Variants in DEDD2 observed in about 807,000 individuals in gnomAD.
DEDD2 encodes the protein death effector domain containing 2.
DEDD2 carries 18 observed loss-of-function variants against 28.9 expected under a neutral mutation model. The ratio of observed to expected loss-of-function variants is 0.62; its 90% CI spans 0.43 to 0.92. The LOEUF (loss-of-function observed/expected upper bound fraction) is 0.92. DEDD2 is among the 40% of genes least tolerant of loss of function. The pLI is 0.00. For missense variants in DEDD2, 411 were observed against 463.3 expected (o/e 0.89, Z 1.04); for synonymous variants, 211 against 206.1 (o/e 1.02, Z -0.20).
At chr19:42,213,771 G>C (rs1312046491) in intron 3 of DEDD2, among the ~76,000 whole-genome samples, 1 of 151,922 alleles carries the variant, frequency 6.6e-6, no homozygotes, top group Non-Finnish European at 1.5e-5. Flanking sequence ...AAAAGAAAAA[G>C]GTATGGGGTG....
chr19:42,207,101 G>A (rs2146873573), intron 4 of DEDD2, among the ~76,000 whole-genome samples: 1 of 152,248 alleles, frequency 6.6e-6, no homozygotes, highest in Admixed American at 6.5e-5. Flanking sequence ...TGGTGGCTCT[G>A]GGAATTACTG....
Position 42,199,928 on chromosome 19 carries a change from CT to C in DEDD2, c.590-100del. 1 of 1,460,256 alleles carries C rather than the reference CT, an allele frequency of 6.8e-7. No homozygotes were observed. The highest frequency in any genetic ancestry group is 2.5e-5 in the Admixed American group (1 of 39,786). 90.5% of individuals were successfully genotyped at this position (1,460,256 alleles called of 1,614,324 possible). ...CCCTCCAGCCTTCTCCCTCCACCCC[CT>C]TCCGGTAGCCACACCCTAGTCCTGA... On this transcript the variant is annotated intron_variant, in intron 4 of 4. Coordinates refer to ENST00000596251, the MANE Select transcript of DEDD2 (RefSeq NM_133328.4). This position sits in a 1 kb window ranked among gnomAD's most constrained non-coding sequence, Gnocchi z 7.4.
intron 4 of DEDD2, among the ~76,000 whole-genome samples, chr19:42,202,814 A>G (rs2035383463): frequency 6.6e-6 from 1 of 152,170 alleles, no homozygotes. Context: ...GAGCTGGAAA[A>G]CATGATCATG....
At chr19:42,202,711 T>G (rs2035380934) in intron 4 of DEDD2, among the ~76,000 whole-genome samples, 1 of 152,168 alleles carries the variant, frequency 6.6e-6, no homozygotes, top group Non-Finnish European at 1.5e-5. Context: ...CTCAAGGGCT[T>G]TCCTCTCTCA....
At chr19:42,220,086 G>A (rs1339693313), upstream of DEDD2, 1 of 152,254 alleles carries the variant, frequency 6.6e-6, no homozygotes, top group Non-Finnish European at 1.5e-5. Context: ...AAGGTTGCCC[G>A]AGTTTCTCTA....
Position 42,199,201 on chromosome 19 carries a change from A to C in DEDD2, c.*237T>G. The C allele has an allele frequency of 3.4e-6, 2 of 589,450 alleles. No homozygotes were observed. The highest frequency in any genetic ancestry group is 5.7e-6 in the Non-Finnish European group (2 of 349,300). 36.5% of individuals were successfully genotyped at this position (589,450 alleles called of 1,614,324 possible). ...ATACAGGCCCAGCCCCCGCCTCCGG[A>C]GGCTAAGGGGGCACACCTGGGGGTA... On this transcript the variant is annotated 3_prime_UTR_variant, in exon 5 of 5. Transcript: ENST00000596251. This position sits in a 1 kb window ranked among gnomAD's most constrained non-coding sequence, Gnocchi z 7.4.
chr19:42,215,484 T>C (rs1457862492), intron 2 of DEDD2, among the ~76,000 whole-genome samples: 1 of 152,182 alleles, frequency 6.6e-6, no homozygotes, highest in African/African-American at 2.4e-5. Flanking sequence ...CTGTCAAGGT[T>C]ATTCTGTTGA....
chr19:42,199,912 CT>C lies in DEDD2; in HGVS notation c.590-84del. The C allele has an allele frequency of 6.8e-7, 1 of 1,479,346 alleles. No homozygotes were observed. The highest frequency in any genetic ancestry group is 9.0e-7 in the Non-Finnish European group (1 of 1,109,468). 91.6% of individuals were successfully genotyped at this position (1,479,346 alleles called of 1,614,324 possible). A position where few individuals can be genotyped will look rare whatever the true frequency, so the allele number is the denominator to read the frequency against. ...GAACGCCACCCTTCCTCCCTCCAGCCTTCTCCCTCCACCCCCTTCCGGTAGC... is the reference window on the plus strand; with the variant it reads ...GAACGCCACCCTTCCTCCCTCCAGCCTCTCCCTCCACCCCCTTCCGGTAGC... On this transcript the variant is annotated intron_variant, in intron 4 of 4. Coordinates refer to ENST00000596251, the MANE Select transcript of DEDD2 (RefSeq NM_133328.4). This position sits in a 1 kb window ranked among gnomAD's most constrained non-coding sequence, Gnocchi z 7.4.
chr19:42,216,605 A>G, intron 2 of DEDD2, 75 bp downstream of exon 2: 2 of 1,415,560 alleles, frequency 1.4e-6, no homozygotes, highest in South Asian at 1.4e-5. Context: ...TGTCCGTATC[A>G]GGGCACCAGG....
intron 3 of DEDD2, among the ~76,000 whole-genome samples, chr19:42,213,217 C>A (rs2035835417): frequency 6.6e-6 from 1 of 152,070 alleles, no homozygotes; most frequent in South Asian, 2.1e-4. Context: ...GTGTATGGGT[C>A]TATAGTGACA....
chr19:42,207,470 A>C (rs1030724699), intron 4 of DEDD2, among the ~76,000 whole-genome samples: 24 of 151,146 alleles, frequency 1.6e-4, no homozygotes, highest in African/African-American at 5.6e-4. Flanking sequence ...CCTCCCCTGA[A>C]CCCTTCCACT....
rs897908018 is a variant in DEDD2, at chr19:42,217,075, T to G, written c.-38-30A>C. The G allele has an allele frequency of 3.4e-6, 5 of 1,480,976 alleles. No homozygotes were observed. The South Asian group carries it at 3.6e-5, about 11-fold the overall frequency. 91.7% of individuals were successfully genotyped at this position (1,480,976 alleles called of 1,614,324 possible). A position where few individuals can be genotyped will look rare whatever the true frequency, so the allele number is the denominator to read the frequency against. ...AACCCACACAGCGGGGAGGGGGCAG[T>G]GGTCAGCGACGCGGAGGCCCGAACC... On this transcript the variant is annotated intron_variant, in intron 1 of 4. Coordinates refer to ENST00000596251, the MANE Select transcript of DEDD2 (RefSeq NM_133328.4).
intron 4 of DEDD2, among the ~76,000 whole-genome samples, chr19:42,204,777 G>A (rs2035464924): frequency 7.2e-6 from 1 of 138,572 alleles, no homozygotes; most frequent in African/African-American, 2.7e-5. Flanking sequence ...CCCACACCAG[G>A]ACCAGCACCA....
upstream of DEDD2, among the ~76,000 whole-genome samples, chr19:42,218,980 G>T (rs764419498): frequency 6.6e-6 from 1 of 152,208 alleles, no homozygotes. Flanking sequence ...CTGCACTCCA[G>T]CCTGGGCCAC....
At chr19:42,217,290 G>C (rs1316103716) in intron 1 of DEDD2, among the ~76,000 whole-genome samples, 2 of 152,118 alleles carry the variant, frequency 1.3e-5, no homozygotes, top group Admixed American at 6.5e-5. Context: ...GCTCGCCTCC[G>C]GACCTGACCA....
Position 42,216,990 on chromosome 19 carries a change from C to T in DEDD2, c.18G>A (p.Ser6=). 6.9e-6 allele frequency: 11 copies of T among 1,592,654 alleles called. No homozygotes were observed. Among genetic ancestry groups the T allele is most frequent in the Non-Finnish European group, 9.4e-6 (11 of 1,170,250 alleles). MALSG[S]TPAPCWEEDE... ...CCTCCTCCCAGCACGGGGCCGGGGTCGACCCGGATAGCGCCATTCCCGGGG... is the reference window on the plus strand; with the variant it reads ...CCTCCTCCCAGCACGGGGCCGGGGTTGACCCGGATAGCGCCATTCCCGGGG... Residue 6 remains serine (S), a synonymous_variant, in exon 2 of 5, where the codon TCG becomes TCA. Transcript: ENST00000596251.
chr19:42,212,293 G>C (rs2035801370), intron 3 of DEDD2, among the ~76,000 whole-genome samples: 1 of 151,944 alleles, frequency 6.6e-6, no homozygotes, highest in Admixed American at 6.6e-5. Flanking sequence ...TTAAACCTGG[G>C]AGGCAGAGGT....
intron 4 of DEDD2, among the ~76,000 whole-genome samples, chr19:42,201,441 G>A (rs959904760): frequency 6.6e-6 from 1 of 152,228 alleles, no homozygotes; most frequent in Non-Finnish European, 1.5e-5. Context: ...TGTCCAAGGG[G>A]TGCTCCCAGA....
intron 4 of DEDD2, among the ~76,000 whole-genome samples, chr19:42,205,094 C>A (rs1258815488): frequency 1.3e-5 from 2 of 152,106 alleles, no homozygotes. Flanking sequence ...TCAGGAAATA[C>A]AAAAGACAGG....
Sources: gnomAD v4.1 joint callset for allele counts (sites outside exome capture counted in the v4.1 genomes callset) on GRCh38, gnomAD v4.1.1 for gene constraint, Gnocchi (gnomAD v3.1) non-coding constraint, MANE v1.5 for transcripts, NCBI Gene and HGNC (gene_info 2026-07-23, HGNC 2026-07-21) for gene names.